The following NUDT7 variants were observed in gnomAD, a reference collection of about 807,000 sequenced individuals.
NUDT7 encodes nudix hydrolase 7, also known as peroxisomal coenzyme A diphosphatase NUDT7.
In NUDT7, 19 loss-of-function variants were observed where a neutral mutation model predicts 13.1. That is an observed-to-expected ratio of 1.45 (90% CI 1.01 to 2.13). The LOEUF is 2.13. Ranked by LOEUF, NUDT7 falls within the 30% of genes most tolerant of loss-of-function variation. NUDT7 has a pLI of 0.00. For missense variants in NUDT7, 360 were observed against 291.7 expected (o/e 1.23, Z -1.71); for synonymous variants, 132 against 109.7 (o/e 1.20, Z -1.27).
chr16:77,727,204 G>T (rs893834468), intron 2 of NUDT7, among the ~76,000 whole-genome samples: 4 of 152,202 alleles, frequency 2.6e-5, no homozygotes, highest in African/African-American at 9.6e-5. Flanking sequence ...ACACCCGTGA[G>T]CACAGTCAGT....
intron 1 of NUDT7, among the ~76,000 whole-genome samples, chr16:77,724,455 T>C (rs1471807702): frequency 1.3e-5 from 2 of 151,392 alleles, no homozygotes; most frequent in Non-Finnish European, 2.9e-5. Flanking sequence ...TTTTCTTTTG[T>C]AGAGACAGGG....
Position 77,737,114 on chromosome 16 carries a change from T to C in NUDT7, c.348+1128T>C, listed in dbSNP as rs549949441. The stretch of plus-strand genomic sequence containing the variant: ...TTGACATCTTACATCACTGTGTACA[T>C]TTGTCACAACAAAGAAACCAGTGTC... On this transcript the variant is annotated intron_variant, in intron 3 of 3. Coordinates refer to ENST00000268533, the MANE Select transcript of NUDT7 (RefSeq NM_001105663.3). Among the ~76,000 whole-genome samples the C allele has an allele frequency of 2.0e-5, 3 of 152,256 alleles. No homozygotes were observed. The East Asian group carries it at 5.8e-4, about 29-fold the overall frequency.
intron 2 of NUDT7, among the ~76,000 whole-genome samples, chr16:77,726,796 A>G (rs1480437321): frequency 6.6e-6 from 1 of 152,152 alleles, no homozygotes; most frequent in Admixed American, 6.5e-5. Flanking sequence ...CTCCATCTCA[A>G]AAAAAGAAAG....
At chr16:77,733,011 CCTT>C (rs1301308502) in intron 2 of NUDT7, among the ~76,000 whole-genome samples, 1 of 152,148 alleles carries the variant, frequency 6.6e-6, no homozygotes, top group Non-Finnish European at 1.5e-5. Flanking sequence ...TGTCCATCAG[CCTT>C]CTTTTCACCT....
chr16:77,737,707 G>C (rs886571267), intron 3 of NUDT7, among the ~76,000 whole-genome samples: 1 of 152,036 alleles, frequency 6.6e-6, no homozygotes, highest in East Asian at 1.9e-4. Context: ...GGATGGTCTC[G>C]ATCTCCTGAC....
intron 2 of NUDT7, among the ~76,000 whole-genome samples, chr16:77,729,975 ACAC>A (rs2014263032): frequency 8.4e-6 from 1 of 119,136 alleles, no homozygotes; most frequent in Admixed American, 9.0e-5. Context: ...ATATTACCAC[ACAC>A]ATTACCTCAC....
At chr16:77,726,965 G>A (rs568615332) in intron 2 of NUDT7, among the ~76,000 whole-genome samples, 1 of 152,270 alleles carries the variant, frequency 6.6e-6, no homozygotes, top group African/African-American at 2.4e-5. Flanking sequence ...AGGGGGAGCA[G>A]GAGCAAGAGA....
chr16:77,739,743 T>C (rs1015834249), intron 3 of NUDT7, among the ~76,000 whole-genome samples: 2 of 152,180 alleles, frequency 1.3e-5, no homozygotes, highest in Non-Finnish European at 2.9e-5. Context: ...TTCTTCTGAA[T>C]ACTGGTACCC....
At position 77,741,917 on chromosome 16, in the gene NUDT7, G is replaced by A. The variant is rs770496848; in HGVS notation, c.684G>A (p.Leu228=). ...DVLASSEELF[L]KVHKKATSRL is the part of the protein sequence containing the mutation. ...TAGCATCCTCTGAAGAGTTATTCCT[G>A]AAGGTTCATAAAAAAGCTACAAGCA... The change falls in exon 4 of 4, where the codon CTG becomes CTA. Residue 228 remains leucine, a synonymous_variant. Transcript: ENST00000268533. 8.1e-6 allele frequency: 13 copies of A among 1,606,734 alleles called. No homozygotes were observed. The highest frequency in any genetic ancestry group is 1.1e-5 in the Non-Finnish European group (13 of 1,176,930).
At chr16:77,733,234 G>C (rs2014373491) in intron 2 of NUDT7, among the ~76,000 whole-genome samples, 1 of 152,298 alleles carries the variant, frequency 6.6e-6, no homozygotes, top group Middle Eastern at 3.4e-3. Context: ...CCTTAGACTG[G>C]GTGGCTTATA....
chr16:77,742,029 G>C lies in NUDT7; in HGVS notation c.*79G>C. The C allele has an allele frequency of 6.7e-7, 1 of 1,492,412 alleles. No individual in the cohort carries two copies. 92.4% of individuals were successfully genotyped at this position (1,492,412 alleles called of 1,614,324 possible). A position where few individuals can be genotyped will look rare whatever the true frequency, so the allele number is the denominator to read the frequency against. Reference sequence around the variant, plus strand: ...TCGTAGAACAACAACAATGCCAGCTGTTGGAATTTGACAGGTGTGAATATT... The same window carrying C: ...TCGTAGAACAACAACAATGCCAGCTCTTGGAATTTGACAGGTGTGAATATT... On this transcript the variant is annotated 3_prime_UTR_variant, in exon 4 of 4. Coordinates refer to ENST00000268533, the MANE Select transcript of NUDT7 (RefSeq NM_001105663.3).
intron 3 of NUDT7, among the ~76,000 whole-genome samples, chr16:77,739,368 C>A (rs2014587602): frequency 6.6e-6 from 1 of 152,198 alleles, no homozygotes; most frequent in African/African-American, 2.4e-5. Context: ...ATGGGCAATT[C>A]CCAGAGGTGA....
At chr16:77,724,741 A>G (rs958809503) in intron 1 of NUDT7, among the ~76,000 whole-genome samples, 4 of 152,238 alleles carry the variant, frequency 2.6e-5, no homozygotes, top group African/African-American at 9.6e-5. Flanking sequence ...AGTAGAACAC[A>G]CCTGTCAAAA....
At position 77,741,710 on chromosome 16, in the gene NUDT7, CCAG is replaced by C. The variant is rs1033805093; in HGVS notation, c.480_482del (p.Gln160del). On this transcript the variant is annotated inframe_deletion, in exon 4 of 4. Coordinates refer to ENST00000268533, the MANE Select transcript of NUDT7 (RefSeq NM_001105663.3). The stretch of plus-strand genomic sequence containing the variant: ...ATTTCCTGCATCCACAGGTCCATGA[CCAG>C]CATTACGTCACACGTCTTGGTCACC... The C allele has an allele frequency of 5.0e-6, 8 of 1,614,046 alleles. No individual in the cohort carries two copies. In the Admixed American group the frequency reaches 1.0e-4, roughly 20 times the overall value.
At position 77,731,310 on chromosome 16, in the gene NUDT7, A is replaced by G. The variant is rs145695056; in HGVS notation, c.190-4518A>G. ...TTTTGAAACCTTTCAAAATACAGTCATGTGCTGCAAAACTGTTTTTCCATC... is the reference window on the plus strand; with the variant it reads ...TTTTGAAACCTTTCAAAATACAGTCGTGTGCTGCAAAACTGTTTTTCCATC... On this transcript the variant is annotated intron_variant, in intron 2 of 3. Coordinates refer to ENST00000268533, the MANE Select transcript of NUDT7 (RefSeq NM_001105663.3). 4.7e-4 allele frequency among the ~76,000 whole-genome samples: 71 copies of G among 152,190 alleles called. No individual in the cohort carries two copies. The East Asian group carries it at 0.013, about 28-fold the overall frequency.
Position 77,722,539 on chromosome 16 carries a change from G to T in NUDT7, c.-44G>T. On this transcript the variant is annotated 5_prime_UTR_variant, in exon 1 of 4. Coordinates refer to ENST00000268533, the MANE Select transcript of NUDT7 (RefSeq NM_001105663.3). The stretch of plus-strand genomic sequence containing the variant: ...GCTCTGCGCAAGCGCGACCGACCGA[G>T]CAGCTCCGAGGAGTCCGCCCGGAAA... 1 of 1,553,794 alleles carries T rather than the reference G, an allele frequency of 6.4e-7. No homozygotes were observed. Among genetic ancestry groups the T allele is most frequent in the Non-Finnish European group, 8.7e-7 (1 of 1,145,948 alleles).
chr16:77,737,226 A>G (rs1167952108), intron 3 of NUDT7, among the ~76,000 whole-genome samples: 1 of 152,172 alleles, frequency 6.6e-6, no homozygotes, highest in Non-Finnish European at 1.5e-5. Flanking sequence ...GATCTCATCT[A>G]AGATACCATA....
chr16:77,741,853 A>T lies in NUDT7; in HGVS notation c.620A>T (p.Lys207Ile), dbSNP rs199659550. ...GTGGCCTTTATCATTTTGGAAAAAA[A>T]ACCCACCTTTGAGGTTCAATTTAAT... is the stretch of plus-strand genomic sequence containing the variant. ...VLVAFIILEK[K>I]PTFEVQFNLN... The change falls in exon 4 of 4, where the codon AAA (lysine) becomes ATA (isoleucine). Residue 207 changes from lysine to isoleucine, a missense_variant. Coordinates refer to ENST00000268533, the MANE Select transcript of NUDT7 (RefSeq NM_001105663.3). 95 of 1,614,052 alleles carry T rather than the reference A, an allele frequency of 5.9e-5. No homozygotes were observed. In the African/African-American group the frequency reaches 1.2e-3, roughly 20 times the overall value.
At chr16:77,734,523 T>C (rs1170841135) in intron 2 of NUDT7, among the ~76,000 whole-genome samples, 1 of 152,074 alleles carries the variant, frequency 6.6e-6, no homozygotes, top group African/African-American at 2.4e-5. Flanking sequence ...CTCAGGAAGC[T>C]GAGGCAGGAG....
Sources: gnomAD v4.1 joint callset for allele counts (sites outside exome capture counted in the v4.1 genomes callset) on GRCh38, gnomAD v4.1.1 for gene constraint, MANE v1.5 for transcripts, NCBI Gene and HGNC (gene_info 2026-07-23, HGNC 2026-07-21) for gene names.